Variants in ELOVL2 observed in about 807,000 individuals in gnomAD.
The protein encoded by ELOVL2 is very long chain fatty acid elongase 2.
Under a neutral mutation model 37.7 loss-of-function variants are expected in ELOVL2, and 38 were observed. The ratio of observed to expected loss-of-function variants is 1.01; its 90% CI spans 0.78 to 1.32. The LOEUF is 1.32. Ranked by LOEUF, ELOVL2 falls within the 40% of genes most tolerant of loss-of-function variation. The pLI is 0.00. For synonymous variants in ELOVL2, 115 were observed against 122.3 expected (o/e 0.94, Z 0.40); for missense variants, 352 against 363.6 (o/e 0.97, Z 0.26).
chr6:11,043,432 C>CACACACACACAG (rs1428059244), intron 1 of ELOVL2: 1 of 115,010 alleles, frequency 8.7e-6, no homozygotes, highest in African/African-American at 3.7e-5. Context: ...CACACACACA[C>CACACACACACAG]AGCTTACTGT....
chr6:11,037,380 A>G (rs1422270414), intron 1 of ELOVL2, among the ~76,000 whole-genome samples: 1 of 152,204 alleles, frequency 6.6e-6, no homozygotes. Context: ...CCAAGATCTC[A>G]TTAACCAAAT....
chr6:10,991,848 A>C (rs1321472440), intron 5 of ELOVL2, among the ~76,000 whole-genome samples: 1 of 152,204 alleles, frequency 6.6e-6, no homozygotes, highest in Non-Finnish European at 1.5e-5. Flanking sequence ...ACTCCTGTGG[A>C]AATACAGCAC....
intron 5 of ELOVL2, among the ~76,000 whole-genome samples, chr6:10,990,695 C>T (rs1318542663): frequency 6.6e-6 from 1 of 151,754 alleles, no homozygotes; most frequent in East Asian, 1.9e-4. Context: ...AGGGGAACAC[C>T]TTATCTACGA....
chr6:10,992,207 A>C (rs145667105), intron 5 of ELOVL2, among the ~76,000 whole-genome samples: 151 of 151,850 alleles, frequency 9.9e-4, no homozygotes, highest in African/African-American at 3.3e-3. Flanking sequence ...TTCCTCCCTC[A>C]CTCTAGTGTT....
chr6:10,998,003 C>T (rs1349371833), intron 4 of ELOVL2, among the ~76,000 whole-genome samples: 4 of 152,112 alleles, frequency 2.6e-5, no homozygotes, highest in Admixed American at 6.5e-5. Context: ...GTCACGGTGG[C>T]AGATCCCTCA....
intron 3 of ELOVL2, 123 bp from the exon 4 acceptor site, chr6:11,000,287 G>C: frequency 1.1e-6 from 1 of 885,026 alleles, no homozygotes; most frequent in Non-Finnish European, 1.8e-6. Context: ...CCCAGAATTT[G>C]AGTTTGTCTC....
rs75380611 is a variant in ELOVL2, at chr6:11,030,033, G to A, written c.3+14195C>T. ...GTAAAGGTTCTTATGACAATGCTGG[G>A]ACATAGTAAGAATTTAATAAATGTA... On this transcript the variant is annotated intron_variant, in intron 1 of 7. Coordinates refer to ENST00000354666, the MANE Select transcript of ELOVL2 (RefSeq NM_017770.4). 3.0e-3 allele frequency among the ~76,000 whole-genome samples: 452 copies of A among 152,268 alleles called. 3 individuals are homozygous for A. The highest frequency in any genetic ancestry group is 0.021 in the South Asian group (100 of 4,816).
chr6:11,005,686 G>T, intron 2 of ELOVL2, 127 bp from the exon 3 acceptor site: 1 of 752,086 alleles, frequency 1.3e-6, no homozygotes, highest in Non-Finnish European at 2.1e-6. Flanking sequence ...ACATTAGGTA[G>T]GCTGGCCTGG....
Position 10,989,797 on chromosome 6 carries a change from A to G in ELOVL2, c.671T>C (p.Val224Ala). Residue 224 changes from valine (V) to alanine (A), a missense_variant, in exon 7 of 8, where the codon GTC becomes GCC. Val to Ala is a moderately conservative substitution (Grantham distance 64, BLOSUM62 0). Transcript: ENST00000354666. ...GAAGGGGAAGCCACACGGTTTCACG[A>G]CGGCGCTCATGGTGTGCGTGATGGT... ...VLTITHTMSA[V>A]VKPCGFPFGC... is the part of the protein sequence containing the mutation. 1 of 1,614,218 alleles carries G rather than the reference A, an allele frequency of 6.2e-7. No homozygotes were observed. The highest frequency in any genetic ancestry group is 8.5e-7 in the Non-Finnish European group (1 of 1,180,042).
rs1782247815 is a variant in ELOVL2 at position 10,995,406 on chromosome 6, TTCC to T, written c.334-231_334-229del. ...TTTCCAGAACACATGTGTGATCACG[TTCC>T]TCCTCTGCATCCGCAGAACCCAAGT... On this transcript the variant is annotated intron_variant, in intron 4 of 7. Transcript: ENST00000354666. Among the ~76,000 whole-genome samples, 3 of 104,186 alleles carry T rather than the reference TTCC, an allele frequency of 2.9e-5. No individual in the cohort carries two copies. The South Asian group carries it at 1.2e-3, about 42-fold the overall frequency. 68.4% of individuals were successfully genotyped at this position (104,186 alleles called of 152,430 possible). A position where few individuals can be genotyped will look rare whatever the true frequency, so the allele number is the denominator to read the frequency against.
chr6:11,002,479 C>T (rs1384876445), intron 3 of ELOVL2, among the ~76,000 whole-genome samples: 1 of 152,154 alleles, frequency 6.6e-6, no homozygotes, highest in Non-Finnish European at 1.5e-5. Context: ...TCAAAGAAGA[C>T]CTTTTGCCTG....
chr6:10,981,641 G>A lies in ELOVL2; in HGVS notation c.*2140C>T, dbSNP rs1781936118. The A allele has an allele frequency of 6.6e-6, 1 of 152,338 alleles. No homozygotes were observed. Among genetic ancestry groups the A allele is most frequent in the Non-Finnish European group, 1.5e-5 (1 of 68,062 alleles). 9.4% of individuals were successfully genotyped at this position (152,338 alleles called of 1,614,324 possible). A position where few individuals can be genotyped will look rare whatever the true frequency, so the allele number is the denominator to read the frequency against. ...AAGCTGCTTGACTTTGTCTGCTGAA[G>A]GACAGCTCCCTCCTTGCCATACAGA... On this transcript the variant is annotated 3_prime_UTR_variant, in exon 8 of 8. Transcript: ENST00000354666.
chr6:11,030,725 C>T (rs1435077849), intron 1 of ELOVL2, among the ~76,000 whole-genome samples: 1 of 152,152 alleles, frequency 6.6e-6, no homozygotes, highest in East Asian at 1.9e-4. Flanking sequence ...ATCTCCTGAC[C>T]TCGTGATCTG....
At position 11,016,107 on chromosome 6, in the gene ELOVL2, CCTTT is replaced by C. The variant is rs967522418; in HGVS notation, c.4-5302_4-5299del. ...GACTCTTGATTCCATTTTATTCTTT[CCTTT>C]CTTTCTTCTCTTCCTTTAATTTCCT... On this transcript the variant is annotated intron_variant, in intron 1 of 7. Transcript: ENST00000354666. Among the ~76,000 whole-genome samples the C allele has an allele frequency of 3.7e-3, 538 of 145,190 alleles. 2 individuals carry two copies. The highest frequency in any genetic ancestry group is 0.013 in the African/African-American group (516 of 40,146).
chr6:10,999,142 T>G lies in ELOVL2; in HGVS notation c.333+945A>C, dbSNP rs575855772. On this transcript the variant is annotated intron_variant, in intron 4 of 7. Coordinates refer to ENST00000354666, the MANE Select transcript of ELOVL2 (RefSeq NM_017770.4). ...GTCAAAAAACTGTTTTAAAGTCACTTGAAATAGTTCCTTGGGTGATTATGT... is the reference window on the plus strand; with the variant it reads ...GTCAAAAAACTGTTTTAAAGTCACTGGAAATAGTTCCTTGGGTGATTATGT... Among the ~76,000 whole-genome samples the G allele has an allele frequency of 2.6e-5, 4 of 152,354 alleles. No individual in the cohort carries two copies. The South Asian group carries it at 8.3e-4, about 32-fold the overall frequency.
At chr6:11,030,744 A>G (rs1410045802) in intron 1 of ELOVL2, among the ~76,000 whole-genome samples, 1 of 152,146 alleles carries the variant, frequency 6.6e-6, no homozygotes, top group African/African-American at 2.4e-5. Context: ...TGCCCGTCTC[A>G]GCCTCCCAAA....
At chr6:11,033,416 T>C (rs1782962066) in intron 1 of ELOVL2, among the ~76,000 whole-genome samples, 1 of 152,212 alleles carries the variant, frequency 6.6e-6, no homozygotes, top group African/African-American at 2.4e-5. Flanking sequence ...ATGAAAGATA[T>C]ATTTTCTTAA....
chr6:11,035,901 G>A (rs992686328), intron 1 of ELOVL2, among the ~76,000 whole-genome samples: 6 of 152,304 alleles, frequency 3.9e-5, no homozygotes, highest in African/African-American at 9.6e-5. Flanking sequence ...TACTGAGCAC[G>A]TGCTGAATGA....
intron 2 of ELOVL2, among the ~76,000 whole-genome samples, chr6:11,006,167 T>C (rs1055326708): frequency 6.6e-6 from 1 of 152,106 alleles, no homozygotes; most frequent in Non-Finnish European, 1.5e-5. Flanking sequence ...GAGAAAGCAA[T>C]AGGATGACCG....
Sources: allele counts gnomAD v4.1 joint callset (sites outside exome capture counted in the v4.1 genomes callset), GRCh38; gene constraint gnomAD v4.1.1; transcripts MANE v1.5; gene names NCBI Gene and HGNC (gene_info 2026-07-23, HGNC 2026-07-21).